CPXM2: variants seen among roughly 807,000 people sequenced by gnomAD.
CPXM2 encodes inactive carboxypeptidase-like protein X2.
CPXM2 carries 66 observed loss-of-function variants against 86.1 expected under a neutral mutation model. The observed-to-expected ratio is 0.77, with a 90% CI of 0.63 to 0.94. The LOEUF (loss-of-function observed/expected upper bound fraction) is 0.94. Ranked by LOEUF, CPXM2 falls within the 40% of genes least tolerant of loss-of-function variation. CPXM2 has a pLI of 0.00. For missense variants in CPXM2, 948 were observed against 1,026.3 expected (o/e 0.92, Z 1.04); for synonymous variants, 388 against 400.2 (o/e 0.97, Z 0.36).
chr10:123,885,496 G>A lies in CPXM2; in HGVS notation c.305-5187C>T, dbSNP rs1248638169. 6.6e-6 allele frequency among the ~76,000 whole-genome samples: 1 copy of A among 152,172 alleles called. No individual in the cohort carries two copies. The highest frequency in any genetic ancestry group is 1.5e-5 in the Non-Finnish European group (1 of 68,040). On this transcript the variant is annotated intron_variant, in intron 1 of 13. Transcript: ENST00000241305. This position sits in a 1 kb window ranked among gnomAD's most constrained non-coding sequence, Gnocchi z 4.0. ...CCTACCTGTGCCTAGCATGAACCAG[G>A]CATTCCATACAAATCTGTGACATCA...
At chr10:123,898,745 C>A (rs1945358025) in intron 2 of CPXM2, among the ~76,000 whole-genome samples, 1 of 152,180 alleles carries the variant, frequency 6.6e-6, no homozygotes, top group Admixed American at 6.5e-5. Context: ...AGTTTTCTTT[C>A]TTTCTTTTTC....
At chr10:123,778,629 G>C (rs1452678996) in intron 7 of CPXM2, among the ~76,000 whole-genome samples, 1 of 152,210 alleles carries the variant, frequency 6.6e-6, no homozygotes, top group Non-Finnish European at 1.5e-5. Flanking sequence ...CAGCTACCTA[G>C]AGTCTCTGTG....
At chr10:123,757,110 G>C (rs967123582) in intron 12 of CPXM2, 103 bp downstream of exon 12, 12 of 1,093,962 alleles carry the variant, frequency 1.1e-5, no homozygotes, top group African/African-American at 1.5e-5. Flanking sequence ...CCAGGATGAC[G>C]GCCAAGGTCT....
intron 2 of CPXM2, among the ~76,000 whole-genome samples, chr10:123,925,672 T>C (rs928873888): frequency 1.3e-5 from 2 of 152,234 alleles, no homozygotes; most frequent in Non-Finnish European, 2.9e-5. Context: ...CCTGCAACAC[T>C]ATGGATCCCC....
At chr10:123,862,327 C>G (rs1348028600) in intron 3 of CPXM2, among the ~76,000 whole-genome samples, 3 of 152,226 alleles carry the variant, frequency 2.0e-5, no homozygotes, top group Non-Finnish European at 4.4e-5. Flanking sequence ...CCTGTCCTTT[C>G]TGGACCAACA....
At chr10:123,909,972 C>A (rs1341057249) in intron 2 of CPXM2, among the ~76,000 whole-genome samples, 1 of 152,198 alleles carries the variant, frequency 6.6e-6, no homozygotes, top group Non-Finnish European at 1.5e-5. Flanking sequence ...TTCCATATCC[C>A]AGGACTGCCA....
intron 4 of CPXM2, among the ~76,000 whole-genome samples, chr10:123,831,552 T>A (rs973248168): frequency 6.6e-6 from 1 of 152,180 alleles, no homozygotes; most frequent in Admixed American, 6.5e-5. Context: ...CAGACATTTA[T>A]TCTCTTATGG....
chr10:123,895,112 CTTTTTTTTCTTTT>C (rs1253600297), upstream of CPXM2, among the ~76,000 whole-genome samples: 3 of 111,676 alleles, frequency 2.7e-5, no homozygotes, highest in Non-Finnish European at 5.8e-5. Flanking sequence ...TTTTTTTTTT[CTTTTTTTTCTTTT>C]TTTTTTTTTT....
chr10:123,867,057 G>A (rs1944804196), intron 2 of CPXM2, among the ~76,000 whole-genome samples: 1 of 152,174 alleles, frequency 6.6e-6, no homozygotes, highest in African/African-American at 2.4e-5. Flanking sequence ...TGCAGGCTCA[G>A]ATAAAACTAC....
chr10:123,802,571 G>A (rs1043988001), intron 4 of CPXM2, among the ~76,000 whole-genome samples: 8 of 152,184 alleles, frequency 5.3e-5, no homozygotes, highest in Non-Finnish European at 7.4e-5. Flanking sequence ...GATTTGAGTA[G>A]TTTCCAGTTT....
chr10:123,748,747 T>C (rs1399661849), intron 13 of CPXM2, among the ~76,000 whole-genome samples: 1 of 152,082 alleles, frequency 6.6e-6, no homozygotes, highest in East Asian at 1.9e-4. Context: ...CAGGCTGAAT[T>C]ATGCCATCAG....
At chr10:123,935,920 TCAC>T (rs936452680) in intron 2 of CPXM2, among the ~76,000 whole-genome samples, 45 of 150,752 alleles carry the variant, frequency 3.0e-4, no homozygotes, top group South Asian at 1.5e-3. Context: ...TTCACCATCA[TCAC>T]CACATTTACC....
intron 12 of CPXM2, among the ~76,000 whole-genome samples, chr10:123,755,281 G>A (rs1846178835): frequency 6.6e-6 from 1 of 152,232 alleles, no homozygotes; most frequent in African/African-American, 2.4e-5. Context: ...GTCTGCTGAG[G>A]GGGAAGTGAC....
chr10:123,887,618 A>G lies in CPXM2; in HGVS notation c.304+3738T>C, dbSNP rs1277303781. ...CAACAGGGGGGAGGGTGCTACTGGC[A>G]TCCAATTTGGAGTCCAGGGACACTG... On this transcript the variant is annotated intron_variant, in intron 1 of 13. Transcript: ENST00000241305. Among the ~76,000 whole-genome samples, 7 of 152,120 alleles carry G rather than the reference A, an allele frequency of 4.6e-5. 1 individual carries two copies. Among genetic ancestry groups the G allele is most frequent in the Non-Finnish European group, 1.5e-5 (1 of 68,038 alleles).
chr10:123,760,109 C>A (rs1484386428), intron 11 of CPXM2, among the ~76,000 whole-genome samples: 1 of 152,192 alleles, frequency 6.6e-6, no homozygotes, highest in African/African-American at 2.4e-5. Context: ...GCCGTGAAGT[C>A]CCAGAAATAA....
At position 123,754,879 on chromosome 10, in the gene CPXM2, C is replaced by G; in HGVS notation, c.1918-117G>C. On this transcript the variant is annotated intron_variant, in intron 12 of 13. Transcript: ENST00000241305. The surrounding 1 kb of genome is among the most constrained non-coding windows in gnomAD (Gnocchi z 4.0). ...CGGTTCCCACCAAGAACTCACACAG[C>G]ACCACGTCTTGCTCAGAAGGCTTGG... The G allele has an allele frequency of 1.4e-6, 1 of 692,846 alleles. No homozygotes were observed. 42.9% of individuals were successfully genotyped at this position (692,846 alleles called of 1,614,324 possible).
rs772000176 is a variant in CPXM2 at position 123,768,603 on chromosome 10, C to G, written c.1222G>C (p.Val408Leu). 1.2e-6 allele frequency: 2 copies of G among 1,613,820 alleles called. No individual in the cohort carries two copies. Among genetic ancestry groups the G allele is most frequent in the Non-Finnish European group, 1.7e-6 (2 of 1,179,944 alleles). Residue 408 changes from valine (V) to leucine (L), a missense_variant, in exon 9 of 14, where the codon GTC becomes CTC. Physicochemically the swap from Val to Leu is conservative, Grantham distance 32 (BLOSUM62 1). Coordinates refer to ENST00000241305, the MANE Select transcript of CPXM2 (RefSeq NM_198148.3). ...ATCCGCGTCTCCTCCACCAGGTGGA[C>G]GATGCGCGCATTCCGGGCCAAGTAC... The part of the protein sequence containing the change: ...QEYLARNARI[V>L]HLVEETRIHV...
chr10:123,782,993 A>G (rs1846969253), intron 6 of CPXM2, among the ~76,000 whole-genome samples: 1 of 152,244 alleles, frequency 6.6e-6, no homozygotes, highest in African/African-American at 2.4e-5. Context: ...TACACTAATT[A>G]TAATGCATTA....
intron 3 of CPXM2, among the ~76,000 whole-genome samples, chr10:123,855,464 G>A (rs571491011): frequency 4.6e-5 from 7 of 152,244 alleles, no homozygotes; most frequent in Admixed American, 2.0e-4. Flanking sequence ...GGTGTGGGTC[G>A]GGCACAGGTG....
Sources: allele counts gnomAD v4.1 joint callset (sites outside exome capture counted in the v4.1 genomes callset), GRCh38; gene constraint gnomAD v4.1.1; non-coding constraint Gnocchi (gnomAD v3.1); transcripts MANE v1.5; gene names NCBI Gene and HGNC (gene_info 2026-07-23, HGNC 2026-07-21).